The following PCDH11Y variants were observed in gnomAD, a reference collection of about 807,000 sequenced individuals.
PCDH11Y encodes protocadherin-11 Y-linked.
For missense variants in PCDH11Y, 12 were observed against 224.8 expected (o/e 0.05, Z 6.05); for synonymous variants, 9 against 83.6 (o/e 0.11, Z 4.87).
intron 2 of PCDH11Y, among the ~76,000 whole-genome samples, chrY:5,320,745 C>G: frequency 6.0e-5 from 2 of 33,600 alleles, no homozygotes; most frequent in Non-Finnish European, 1.5e-4. Context: ...ATGCAAGTCA[C>G]TTGCTGAAGA....
At chrY:5,720,825 C>T (rs2124714059) in intron 4 of PCDH11Y, among the ~76,000 whole-genome samples, 1 of 32,024 alleles carries the variant, frequency 3.1e-5, no homozygotes, top group South Asian at 7.4e-4. Flanking sequence ...ATCCATATCT[C>T]GCCACACAAT....
intron 4 of PCDH11Y, among the ~76,000 whole-genome samples, chrY:5,703,256 G>A (rs2053579726): frequency 3.1e-5 from 1 of 32,396 alleles, no homozygotes; most frequent in Non-Finnish European, 7.5e-5. Flanking sequence ...TCTAAAATTA[G>A]TGTTGTAAGA....
chrY:5,410,613 T>C, intron 2 of PCDH11Y, among the ~76,000 whole-genome samples: 1 of 32,432 alleles, frequency 3.1e-5, no homozygotes, highest in East Asian at 8.2e-4. Context: ...GAGTTAAATA[T>C]ACAGATTATT....
downstream of PCDH11Y, among the ~76,000 whole-genome samples, chrY:5,105,957 T>C: frequency 3.0e-5 from 1 of 33,040 alleles, no homozygotes; most frequent in Non-Finnish European, 7.5e-5. Context: ...GTCTGTTTTA[T>C]TTCTCTAGCA....
At chrY:5,518,082 CA>C in intron 3 of PCDH11Y, among the ~76,000 whole-genome samples, 2 of 28,978 alleles carry the variant, frequency 6.9e-5, no homozygotes, top group Non-Finnish European at 1.7e-4. Context: ...GAGGGGTAGG[CA>C]ATAGGTTGGT....
At chrY:5,138,279 G>A in intron 2 of PCDH11Y, among the ~76,000 whole-genome samples, 1 of 33,025 alleles carries the variant, frequency 3.0e-5, no homozygotes, top group Non-Finnish European at 7.5e-5. Flanking sequence ...AAAGTTCATA[G>A]CATTAAATGC....
chrY:5,295,544 T>A, intron 2 of PCDH11Y, among the ~76,000 whole-genome samples: 1 of 29,522 alleles, frequency 3.4e-5, no homozygotes, highest in South Asian at 7.7e-4. Context: ...ACGCAGCTAA[T>A]TTTTTTTTTG....
chrY:5,580,903 T>C (rs2053450323), intron 3 of PCDH11Y, among the ~76,000 whole-genome samples: 3 of 32,794 alleles, frequency 9.1e-5, no homozygotes, highest in Admixed American at 2.8e-4. Flanking sequence ...TTATCCATAA[T>C]GGATATTATT....
intron 2 of PCDH11Y, among the ~76,000 whole-genome samples, chrY:5,164,506 A>G: frequency 3.0e-5 from 1 of 32,806 alleles, no homozygotes; most frequent in Non-Finnish European, 7.5e-5. Flanking sequence ...TATTCAATCT[A>G]CTGTAGTCAC....
chrY:5,025,837 T>C (rs2124620559), intron 1 of PCDH11Y, among the ~76,000 whole-genome samples: 1 of 27,965 alleles, frequency 3.6e-5, no homozygotes, highest in South Asian at 8.7e-4. Context: ...ATTAATTAGA[T>C]TAAAATTTTA....
chrY:5,066,202 T>A, intron 1 of PCDH11Y, among the ~76,000 whole-genome samples: 1 of 28,523 alleles, frequency 3.5e-5, no homozygotes, highest in Non-Finnish European at 8.2e-5. Flanking sequence ...AGAATTCATT[T>A]AAAATAGTTT....
In PCDH11Y at chrY:5,353,953, G is replaced by A. The variant is rs1569476907; in HGVS notation, c.3130-147104G>A. Among the ~76,000 whole-genome samples, 6 of 33,704 alleles carry A rather than the reference G, an allele frequency of 1.8e-4. No homozygotes were observed. In the East Asian group the frequency reaches 4.9e-3, roughly 27 times the overall value. The allele number at this position is 33,704 out of a possible 37,273, so 90.4% of individuals were successfully genotyped here. On this transcript the variant is annotated intron_variant, in intron 2 of 4. Transcript: ENST00000400457. ...GCAGAGGTTGCAGTGAGCCGAGATCGTGCCATTGCACTACAGCCTGGGCAA... is the reference window on the plus strand; with the variant it reads ...GCAGAGGTTGCAGTGAGCCGAGATCATGCCATTGCACTACAGCCTGGGCAA...
intron 4 of PCDH11Y, among the ~76,000 whole-genome samples, chrY:5,599,760 G>A (rs2124699344): frequency 6.1e-5 from 2 of 32,813 alleles, no homozygotes; most frequent in South Asian, 6.5e-4. Flanking sequence ...GTATTTTCTC[G>A]CTGTATCCAT....
At chrY:5,385,074 A>AT (rs2053211101) in intron 2 of PCDH11Y, among the ~76,000 whole-genome samples, 1 of 13,630 alleles carries the variant, frequency 7.3e-5, no homozygotes, top group South Asian at 1.5e-3. Flanking sequence ...TTATTTATTT[A>AT]TTTTTTTGTT....
chrY:5,434,650 C>G, intron 2 of PCDH11Y, among the ~76,000 whole-genome samples: 1 of 32,551 alleles, frequency 3.1e-5, no homozygotes, highest in African/African-American at 1.2e-4. Context: ...ACTGTTACCA[C>G]TAGCAAATAA....
intron 2 of PCDH11Y, among the ~76,000 whole-genome samples, chrY:5,413,990 T>A: frequency 3.0e-5 from 1 of 33,317 alleles, no homozygotes; most frequent in South Asian, 6.5e-4. Flanking sequence ...TTTCTCTTTT[T>A]TTCTTTATCT....
intron 2 of PCDH11Y, among the ~76,000 whole-genome samples, chrY:5,476,938 T>C (rs2124685301): frequency 3.1e-5 from 1 of 32,315 alleles, no homozygotes; most frequent in East Asian, 8.2e-4. Flanking sequence ...TGTTGTTGTA[T>C]TGTTTTTTTA....
intron 2 of PCDH11Y, among the ~76,000 whole-genome samples, chrY:5,424,860 A>G: frequency 3.2e-5 from 1 of 31,638 alleles, no homozygotes; most frequent in Non-Finnish European, 7.6e-5. Flanking sequence ...TATTTTTAGT[A>G]GAGATGGGGT....
intron 2 of PCDH11Y, among the ~76,000 whole-genome samples, chrY:5,243,358 C>G (rs2124655733): frequency 3.0e-5 from 1 of 32,943 alleles, no homozygotes; most frequent in African/African-American, 1.3e-4. Flanking sequence ...AGAACAGTCT[C>G]ATTGCCTGTG....
Sources: allele counts gnomAD v4.1 joint callset (sites outside exome capture counted in the v4.1 genomes callset), GRCh38; gene constraint gnomAD v4.1.1; transcripts MANE v1.5; gene names NCBI Gene and HGNC (gene_info 2026-07-23, HGNC 2026-07-21).